Variants in PPME1 observed in about 807,000 individuals in gnomAD.
PPME1 encodes protein phosphatase methylesterase 1, also known as testicular secretory protein Li 39.
PPME1 carries 17 observed loss-of-function variants against 56.9 expected under a neutral mutation model. The ratio of observed to expected loss-of-function variants is 0.30; its 90% CI spans 0.20 to 0.45. The LOEUF (loss-of-function observed/expected upper bound fraction) is 0.45, where lower values mean the gene tolerates loss of function less well. Ranked by LOEUF, PPME1 falls within the 20% of genes least tolerant of loss-of-function variation. The pLI is 1.00. For synonymous variants in PPME1, 122 were observed against 156.2 expected, an observed-to-expected ratio of 0.78 and a Z score of 1.63; for missense variants, 357 against 483.2, an observed-to-expected ratio of 0.74 and a Z score of 2.45.
At chr11:74,213,014 T>C (rs1858522539) in intron 3 of PPME1, among the ~76,000 whole-genome samples, 1 of 152,014 alleles carries the variant, frequency 6.6e-6, no homozygotes, top group Non-Finnish European at 1.5e-5. Flanking sequence ...GCCAGTGGGG[T>C]AGAGCACCAG....
intron 1 of PPME1, among the ~76,000 whole-genome samples, chr11:74,184,740 G>A (rs1301683640): frequency 6.6e-6 from 1 of 152,072 alleles, no homozygotes; most frequent in Non-Finnish European, 1.5e-5. Flanking sequence ...TACAGTGACT[G>A]TTTACCTATT....
In PPME1 at chr11:74,176,249, G is replaced by C. The variant is rs1857397436; in HGVS notation, c.101+4727G>C. 3.3e-5 allele frequency among the ~76,000 whole-genome samples: 5 copies of C among 152,216 alleles called. No homozygotes were observed. In the South Asian group the frequency reaches 1.0e-3, roughly 32 times the overall value. On this transcript the variant is annotated intron_variant, in intron 1 of 13. Transcript: ENST00000328257. ...ATCAGCTTTTTTGTCCCCACAAGCT[G>C]TATGTTTATTCATATCTGATTAGAT...
intron 1 of PPME1, among the ~76,000 whole-genome samples, chr11:74,174,566 A>T (rs1051530717): frequency 6.6e-6 from 1 of 151,912 alleles, no homozygotes. Context: ...ATTTTTCATG[A>T]TCTCTTGCCT....
chr11:74,225,778 G>T (rs1858919553), intron 5 of PPME1, among the ~76,000 whole-genome samples: 1 of 152,158 alleles, frequency 6.6e-6, no homozygotes, highest in Non-Finnish European at 1.5e-5. Flanking sequence ...AGAATCACTT[G>T]AGAAGTTACT....
Position 74,218,848 on chromosome 11 carries a change from A to G in PPME1, c.289-3464A>G, listed in dbSNP as rs533937729. ...TGTGGAAAGATTTTTTTTGAGTAAT[A>G]CCCAACAAGCACAGGTAACCAAAGC... is the stretch of plus-strand genomic sequence containing the variant. On this transcript the variant is annotated intron_variant, in intron 3 of 13. Transcript: ENST00000328257. 1.2e-4 allele frequency among the ~76,000 whole-genome samples: 18 copies of G among 152,252 alleles called. No individual in the cohort carries two copies. The South Asian group carries it at 3.5e-3, about 30-fold the overall frequency.
chr11:74,173,347 A>G (rs907193068), intron 1 of PPME1, among the ~76,000 whole-genome samples: 3 of 152,152 alleles, frequency 2.0e-5, no homozygotes, highest in African/African-American at 7.2e-5. Flanking sequence ...ACAAATACAT[A>G]AGAAAATCAG....
Position 74,182,170 on chromosome 11 carries a change from G to A in PPME1, c.101+10648G>A, listed in dbSNP as rs547921155. ...TCTCTTCCTGGCTTTACTACTTACC[G>A]CTTAACTGGTGCAAACTTGACTTTA... On this transcript the variant is annotated intron_variant, in intron 1 of 13. Transcript: ENST00000328257. Among the ~76,000 whole-genome samples, 24 of 152,148 alleles carry A rather than the reference G, an allele frequency of 1.6e-4. 2 individuals are homozygous for A. Among genetic ancestry groups the A allele is most frequent in the Admixed American group, 1.1e-3 (17 of 15,278 alleles).
chr11:74,202,399 C>CTA (rs1367368884), intron 1 of PPME1, among the ~76,000 whole-genome samples: 5 of 152,206 alleles, frequency 3.3e-5, no homozygotes, highest in Non-Finnish European at 2.9e-5. Flanking sequence ...ACAGAGTAGA[C>CTA]ATTCAATAAA....
At chr11:74,194,053 A>G (rs956218159) in intron 1 of PPME1, among the ~76,000 whole-genome samples, 3 of 152,032 alleles carry the variant, frequency 2.0e-5, no homozygotes, top group African/African-American at 7.2e-5. Context: ...AGTTGGATCC[A>G]CTTTACATTC....
intron 5 of PPME1, among the ~76,000 whole-genome samples, chr11:74,226,602 C>G (rs1858937910): frequency 6.6e-6 from 1 of 152,070 alleles, no homozygotes; most frequent in African/African-American, 2.4e-5. Flanking sequence ...GGTTTCTTAA[C>G]TTTTAACAAA....
At chr11:74,198,609 A>ATGCCACCATGC (rs1555076214) in intron 1 of PPME1, 1 of 151,986 alleles carries the variant, frequency 6.6e-6, no homozygotes, top group African/African-American at 2.4e-5. Flanking sequence ...CCACAGGTGC[A>ATGCCACCATGC]CTACCTAATT....
intron 5 of PPME1, among the ~76,000 whole-genome samples, chr11:74,228,435 A>AG (rs1195548313): frequency 6.6e-6 from 1 of 152,126 alleles, no homozygotes; most frequent in African/African-American, 2.4e-5. Flanking sequence ...CCCTATGCCA[A>AG]GGGGAGATGG....
chr11:74,222,324 A>G lies in PPME1; in HGVS notation c.301A>G (p.Ser101Gly), dbSNP rs757906428. The part of the protein sequence containing the change: ...SWAVFTAAII[S>G]RVQCRIVALD... ...CTTTTTCTCCTAGGCAGCGATTATT[A>G]GTAGAGTTCAGTGTAGGATTGTAGC... Residue 101 changes from serine to glycine, a missense_variant, in exon 4 of 14, where the codon AGT (serine) becomes GGT (glycine). Ser to Gly is a moderately conservative substitution (Grantham distance 56). This residue lies in a region of PPME1 where 175 missense variants were observed against 189.4 expected (regional missense o/e 0.92). Coordinates refer to ENST00000328257, the MANE Select transcript of PPME1 (RefSeq NM_016147.3). 6 of 1,611,184 alleles carry G rather than the reference A, an allele frequency of 3.7e-6. No individual in the cohort carries two copies. The East Asian group carries it at 6.7e-5, about 18-fold the overall frequency.
At position 74,211,141 on chromosome 11, in the gene PPME1, G is replaced by A. The variant is rs543089629; in HGVS notation, c.288+6696G>A. On this transcript the variant is annotated intron_variant, in intron 3 of 13. Coordinates refer to ENST00000328257, the MANE Select transcript of PPME1 (RefSeq NM_016147.3). Reference sequence around the variant, plus strand: ...TGGGAATAGACCTTATTTTTTAAATGTAAGACATTTATGAAGAAAACAATA... The same window carrying A: ...TGGGAATAGACCTTATTTTTTAAATATAAGACATTTATGAAGAAAACAATA... 6.6e-5 allele frequency among the ~76,000 whole-genome samples: 10 copies of A among 152,160 alleles called. No homozygotes were observed. The South Asian group carries it at 1.2e-3, about 19-fold the overall frequency.
intron 1 of PPME1, among the ~76,000 whole-genome samples, chr11:74,198,283 A>C (rs1313868350): frequency 6.6e-6 from 1 of 152,094 alleles, no homozygotes; most frequent in East Asian, 1.9e-4. Context: ...TTGCCAGTTA[A>C]GTCTCCCATT....
intron 7 of PPME1, among the ~76,000 whole-genome samples, chr11:74,231,335 T>G (rs1246335407): frequency 6.6e-6 from 1 of 152,246 alleles, no homozygotes; most frequent in Non-Finnish European, 1.5e-5. Context: ...ATTCCTGGCC[T>G]CAAGTAATCC....
In PPME1 at chr11:74,218,766, C is replaced by T. The variant is rs893730096; in HGVS notation, c.289-3546C>T. 1.2e-4 allele frequency among the ~76,000 whole-genome samples: 18 copies of T among 152,170 alleles called. No individual in the cohort carries two copies. In the South Asian group the frequency reaches 3.5e-3, roughly 30 times the overall value. ...AAAATCAATAAAAATGAATTAAAGA[C>T]TCAAACTATGAAAGTACTAAAAGAA... On this transcript the variant is annotated intron_variant, in intron 3 of 13. Coordinates refer to ENST00000328257, the MANE Select transcript of PPME1 (RefSeq NM_016147.3).
intron 3 of PPME1, among the ~76,000 whole-genome samples, chr11:74,207,675 A>G (rs17132834): frequency 0.018 from 2,694 of 152,320 alleles, 76 homozygotes; most frequent in African/African-American, 0.062. Context: ...TTCTCCCATC[A>G]GCAAGTACTA....
intron 1 of PPME1, among the ~76,000 whole-genome samples, chr11:74,186,291 C>T (rs993171005): frequency 4.6e-5 from 7 of 152,138 alleles, no homozygotes; most frequent in African/African-American, 1.4e-4. Context: ...ATATGGTGCT[C>T]AACCTTGCTA....
Sources: gnomAD v4.1 joint callset for allele counts (sites outside exome capture counted in the v4.1 genomes callset) on GRCh38, gnomAD v4.1.1 for gene constraint, gnomAD v4.1.1 regional missense constraint, MANE v1.5 for transcripts, NCBI Gene and HGNC (gene_info 2026-07-23, HGNC 2026-07-21) for gene names.